RAPGEF4: variants seen among roughly 807,000 people sequenced by gnomAD.
The protein encoded by RAPGEF4 is Rap guanine nucleotide exchange factor 4, also known as RAP guanine-nucleotide-exchange factor (GEF) 4.
RAPGEF4 carries 66 observed loss-of-function variants against 147.9 expected under a neutral mutation model. The ratio of observed to expected loss-of-function variants is 0.45; its 90% CI spans 0.37 to 0.55. The LOEUF is 0.55. RAPGEF4 is among the 20% of genes least tolerant of loss of function. The pLI is 0.00. For missense variants in RAPGEF4, 1,071 were observed against 1,257.3 expected, an observed-to-expected ratio of 0.85 and a Z score of 2.24; for synonymous variants, 419 against 442.7, an observed-to-expected ratio of 0.95 and a Z score of 0.67.
intron 23 of RAPGEF4, among the ~76,000 whole-genome samples, chr2:173,025,191 G>T (rs1259893785): frequency 6.6e-6 from 1 of 152,226 alleles, no homozygotes; most frequent in Non-Finnish European, 1.5e-5. Flanking sequence ...CCTCTGTGGA[G>T]TGCTGTATGG....
intron 10 of RAPGEF4, among the ~76,000 whole-genome samples, chr2:172,978,840 A>G (rs746014539): frequency 2.0e-5 from 3 of 152,118 alleles, no homozygotes; most frequent in Non-Finnish European, 2.9e-5. Context: ...GGTGTTGCTC[A>G]TTTGTTTTCC....
intron 3 of RAPGEF4, among the ~76,000 whole-genome samples, chr2:172,798,619 T>C (rs1040710687): frequency 1.9e-5 from 2 of 105,688 alleles, no homozygotes; most frequent in East Asian, 5.9e-4. Context: ...CCAAGTGTCA[T>C]ATTTAAGGCA....
chr2:172,895,878 A>G (rs1209877093), intron 4 of RAPGEF4, among the ~76,000 whole-genome samples: 1 of 152,240 alleles, frequency 6.6e-6, no homozygotes, highest in East Asian at 1.9e-4. Context: ...GAGCTATATT[A>G]TTACAACAAT....
At chr2:172,905,076 G>A (rs985979172) in intron 4 of RAPGEF4, among the ~76,000 whole-genome samples, 1 of 151,684 alleles carries the variant, frequency 6.6e-6, no homozygotes, top group African/African-American at 2.4e-5. Context: ...CTTAACACTC[G>A]ACCTGCTCCC....
intron 6 of RAPGEF4, among the ~76,000 whole-genome samples, chr2:172,951,110 A>G (rs1688169403): frequency 6.6e-6 from 1 of 152,240 alleles, no homozygotes; most frequent in Admixed American, 6.5e-5. Flanking sequence ...GCATCATTTT[A>G]TCAGACACAA....
chr2:172,971,517 C>T (rs1459027632), intron 10 of RAPGEF4, among the ~76,000 whole-genome samples: 4 of 152,174 alleles, frequency 2.6e-5, no homozygotes, highest in Non-Finnish European at 5.9e-5. Context: ...GGGTCAGAAA[C>T]ACACAAACTT....
chr2:172,990,751 AT>A (rs1692749977), intron 14 of RAPGEF4, 58 bp from the exon 15 acceptor site: 2 of 1,289,988 alleles, frequency 1.6e-6, no homozygotes, highest in African/African-American at 1.5e-5. Context: ...GCATTTGAAA[AT>A]TTTTTCATTG....
At chr2:173,046,093 G>A (rs559795749) in intron 29 of RAPGEF4, among the ~76,000 whole-genome samples, 1 of 152,178 alleles carries the variant, frequency 6.6e-6, no homozygotes, top group African/African-American at 2.4e-5. Flanking sequence ...ATTATTGTCC[G>A]GACCTCACAA....
intron 22 of RAPGEF4, 111 bp from the exon 23 acceptor site, chr2:173,020,507 C>A: frequency 2.3e-6 from 2 of 866,492 alleles, no homozygotes; most frequent in Non-Finnish European, 3.9e-6. Flanking sequence ...TATGCAGTCA[C>A]TCTGCGTGTT....
At position 172,988,321 on chromosome 2, in the gene RAPGEF4, G is replaced by A. The variant is rs200688341; in HGVS notation, c.1227+49G>A. 8.0e-5 allele frequency: 125 copies of A among 1,570,478 alleles called. No individual in the cohort carries two copies. The African/African-American group carries it at 1.5e-3, about 19-fold the overall frequency. On this transcript the variant is annotated intron_variant, in intron 13 of 30. Transcript: ENST00000397081. Reference sequence around the variant, plus strand: ...AAACTTTATTACGCTCCACTTACTAGTGTGGCTCTAAGTATTAGCAATGTA... The same window carrying A: ...AAACTTTATTACGCTCCACTTACTAATGTGGCTCTAAGTATTAGCAATGTA...
chr2:172,822,775 T>G (rs1386548150), intron 4 of RAPGEF4, among the ~76,000 whole-genome samples: 1 of 152,190 alleles, frequency 6.6e-6, no homozygotes, highest in African/African-American at 2.4e-5. Flanking sequence ...TGTTGACACC[T>G]CACCCCCACT....
At chr2:172,752,763 C>A (rs1018748322) in intron 1 of RAPGEF4, among the ~76,000 whole-genome samples, 5 of 152,176 alleles carry the variant, frequency 3.3e-5, no homozygotes, top group Non-Finnish European at 5.9e-5. Flanking sequence ...TAAGGCATAG[C>A]CAAATCTGGA....
intron 4 of RAPGEF4, among the ~76,000 whole-genome samples, chr2:172,886,710 C>CTTT: frequency 7.2e-6 from 1 of 138,976 alleles, no homozygotes; most frequent in East Asian, 2.1e-4. Context: ...TAGGCAATGC[C>CTTT]TTTTTTTTTT....
intron 1 of RAPGEF4, among the ~76,000 whole-genome samples, chr2:172,766,321 A>G (rs1408664196): frequency 9.2e-5 from 14 of 152,118 alleles, no homozygotes; most frequent in Non-Finnish European, 2.9e-5. Context: ...GGAGGCCAAG[A>G]CGGGCACATC....
chr2:172,977,014 G>A (rs143280394), intron 10 of RAPGEF4, among the ~76,000 whole-genome samples: 56 of 152,332 alleles, frequency 3.7e-4, no homozygotes, highest in African/African-American at 1.2e-3. Context: ...TTGTAAAGAA[G>A]CAGGGATGCC....
intron 1 of RAPGEF4, among the ~76,000 whole-genome samples, chr2:172,757,014 T>C (rs948771219): frequency 1.3e-5 from 2 of 152,248 alleles, no homozygotes; most frequent in Admixed American, 1.3e-4. Context: ...ATACATGGTT[T>C]TGAAATTGTA....
rs1050591558 is a variant in RAPGEF4 at position 173,051,998 on chromosome 2, T to C, written c.*231T>C. The C allele has an allele frequency of 8.5e-6, 3 of 354,280 alleles. No individual in the cohort carries two copies. The highest frequency in any genetic ancestry group is 6.2e-5 in the African/African-American group (3 of 48,346). The allele number at this position is 354,280 out of a possible 1,614,324, so 21.9% of individuals were successfully genotyped here. On this transcript the variant is annotated 3_prime_UTR_variant, in exon 31 of 31. Coordinates refer to ENST00000397081, the MANE Select transcript of RAPGEF4 (RefSeq NM_007023.4). ...AGCTTAGGAATCCCCAGTTTGTGGC[T>C]ACCCTGTTTCATTTCCACTTGTGCC...
intron 4 of RAPGEF4, among the ~76,000 whole-genome samples, chr2:172,881,903 A>T (rs576412286): frequency 6.6e-6 from 1 of 152,338 alleles, no homozygotes; most frequent in South Asian, 2.1e-4. Flanking sequence ...CTGAGGGATG[A>T]TGGAGTAAGG....
chr2:172,879,557 T>C (rs987586546), intron 4 of RAPGEF4, among the ~76,000 whole-genome samples: 1 of 152,140 alleles, frequency 6.6e-6, no homozygotes, highest in East Asian at 1.9e-4. Flanking sequence ...ATGAATTACT[T>C]TGGGAGGCCG....
Sources: allele counts gnomAD v4.1 joint callset (sites outside exome capture counted in the v4.1 genomes callset), GRCh38; gene constraint gnomAD v4.1.1; transcripts MANE v1.5; gene names NCBI Gene and HGNC (gene_info 2026-07-23, HGNC 2026-07-21).